PALS2: variants seen among roughly 807,000 people sequenced by gnomAD.
PALS2 encodes the protein protein PALS2.
PALS2 carries 27 observed loss-of-function variants against 61.6 expected under a neutral mutation model. The observed-to-expected ratio is 0.44, with a 90% CI of 0.32 to 0.60. The LOEUF is 0.60. Ranked by LOEUF, PALS2 falls within the 20% of genes least tolerant of loss-of-function variation. PALS2 has a pLI of 0.05. For synonymous variants in PALS2, 236 were observed against 218.6 expected (o/e 1.08, Z -0.70); for missense variants, 554 against 639.4 (o/e 0.87, Z 1.44).
At chr7:24,609,483 G>C (rs1784037840) in intron 1 of PALS2, among the ~76,000 whole-genome samples, 1 of 152,144 alleles carries the variant, frequency 6.6e-6, no homozygotes, top group Non-Finnish European at 1.5e-5. Context: ...CACCCCTAGA[G>C]TTACTGGGAA....
At chr7:24,601,293 G>C (rs890518878) in intron 1 of PALS2, among the ~76,000 whole-genome samples, 1 of 152,060 alleles carries the variant, frequency 6.6e-6, no homozygotes, top group Admixed American at 6.5e-5. Flanking sequence ...CTCTATTCCT[G>C]TATTTTCATT....
At chr7:24,668,985 A>G (rs1787169946) in intron 9 of PALS2, among the ~76,000 whole-genome samples, 1 of 152,180 alleles carries the variant, frequency 6.6e-6, no homozygotes. Flanking sequence ...CTATCTAAAA[A>G]GTTGGATTTT....
intron 1 of PALS2, among the ~76,000 whole-genome samples, chr7:24,593,215 G>A (rs959548570): frequency 1.6e-4 from 25 of 152,036 alleles, no homozygotes; most frequent in African/African-American, 1.2e-4. Context: ...CTCCTCTTCT[G>A]TTAAAGTTTT....
chr7:24,592,643 A>G (rs547483138), intron 1 of PALS2, among the ~76,000 whole-genome samples: 3 of 152,282 alleles, frequency 2.0e-5, no homozygotes, highest in South Asian at 2.1e-4. Context: ...GACCGCTACA[A>G]TAAAACACAT....
At chr7:24,613,401 T>C (rs905796799) in intron 1 of PALS2, among the ~76,000 whole-genome samples, 1 of 151,870 alleles carries the variant, frequency 6.6e-6, no homozygotes, top group East Asian at 1.9e-4. Flanking sequence ...TAAAAATCTC[T>C]ATACCTACAG....
chr7:24,645,053 C>T (rs547044571), intron 3 of PALS2, among the ~76,000 whole-genome samples: 28 of 152,056 alleles, frequency 1.8e-4, no homozygotes, highest in Non-Finnish European at 3.2e-4. Context: ...TCAGATGCAT[C>T]ATTTGCAAAT....
At chr7:24,675,135 G>A (rs545643265) in intron 9 of PALS2, among the ~76,000 whole-genome samples, 1 of 152,188 alleles carries the variant, frequency 6.6e-6, no homozygotes, top group Non-Finnish European at 1.5e-5. Flanking sequence ...AAATTCACTT[G>A]TAAACTAAAG....
intron 3 of PALS2, among the ~76,000 whole-genome samples, chr7:24,645,843 A>C (rs1441234169): frequency 6.6e-6 from 1 of 152,146 alleles, no homozygotes; most frequent in African/African-American, 2.4e-5. Flanking sequence ...CTCCCTGGTT[A>C]GCTATGTTCC....
chr7:24,678,401 G>C (rs1787737010), intron 9 of PALS2, among the ~76,000 whole-genome samples: 1 of 152,124 alleles, frequency 6.6e-6, no homozygotes, highest in Non-Finnish European at 1.5e-5. Context: ...TAATAATGAG[G>C]CGTCTAGCTC....
At position 24,680,450 on chromosome 7, in the gene PALS2, C is replaced by T. The variant is rs1426707478; in HGVS notation, c.1376C>T (p.Pro459Leu). ...CCCTATGTGGTATTTATTGCGGCTC[C>T]GGAGCTAGAGACGTTACGTGCCATG... ...FMPYVVFIAA[P>L]ELETLRAMHK... Residue 459 changes from proline to leucine, a missense_variant, in exon 11 of 12, where the codon CCG (proline) becomes CTG (leucine). Transcript: ENST00000222644. The T allele has an allele frequency of 3.7e-6, 6 of 1,613,708 alleles. No individual in the cohort carries two copies. Among genetic ancestry groups the T allele is most frequent in the East Asian group, 2.2e-5 (1 of 44,874 alleles).
At chr7:24,676,086 A>G (rs1432877624) in intron 9 of PALS2, among the ~76,000 whole-genome samples, 1 of 149,310 alleles carries the variant, frequency 6.7e-6, no homozygotes, top group Non-Finnish European at 1.5e-5. Context: ...TTGCCATTCT[A>G]ACTGGTGTGA....
At position 24,614,729 on chromosome 7, in the gene PALS2, A is replaced by G. The variant is rs1361935538; in HGVS notation, c.-2-8937A>G. ...CAGATTTAAACTGCACCATAGGCCA[A>G]ATAGACCTAACAGACATTTACAGAA... On this transcript the variant is annotated intron_variant, in intron 1 of 11. Transcript: ENST00000222644. 3.9e-5 allele frequency among the ~76,000 whole-genome samples: 6 copies of G among 152,144 alleles called. 1 individual carries two copies. The South Asian group carries it at 1.2e-3, about 31-fold the overall frequency.
At chr7:24,651,506 T>C (rs1458880367) in intron 5 of PALS2, among the ~76,000 whole-genome samples, 1 of 152,194 alleles carries the variant, frequency 6.6e-6, no homozygotes, top group African/African-American at 2.4e-5. Context: ...TTAATTCATG[T>C]AATGCTCTCA....
At chr7:24,624,036 A>G in intron 2 of PALS2, 1 of 1,296,512 alleles carries the variant, frequency 7.7e-7, no homozygotes, top group Non-Finnish European at 1.0e-6. Context: ...TAGAGAAATC[A>G]TACCTGCACA....
intron 2 of PALS2, among the ~76,000 whole-genome samples, chr7:24,627,211 C>G (rs1012573801): frequency 6.6e-6 from 1 of 152,150 alleles, no homozygotes; most frequent in African/African-American, 2.4e-5. Flanking sequence ...GGTTAAGAAA[C>G]TCAAAACCAT....
At chr7:24,652,743 T>G (rs1163819732) in intron 5 of PALS2, among the ~76,000 whole-genome samples, 1 of 152,158 alleles carries the variant, frequency 6.6e-6, no homozygotes, top group Non-Finnish European at 1.5e-5. Context: ...ATCTCCACCA[T>G]GTAGTGCTGT....
chr7:24,625,548 A>G (rs1488114488), intron 2 of PALS2, among the ~76,000 whole-genome samples: 2 of 152,224 alleles, frequency 1.3e-5, no homozygotes. Context: ...CATGTGTTCT[A>G]TCATCAAATT....
intron 2 of PALS2, among the ~76,000 whole-genome samples, chr7:24,624,345 A>G (rs1344931156): frequency 6.6e-6 from 1 of 152,134 alleles, no homozygotes; most frequent in East Asian, 1.9e-4. Flanking sequence ...TACCTATTTT[A>G]CAAACCTGCT....
At chr7:24,681,265 A>C (rs2128033322) in intron 11 of PALS2, among the ~76,000 whole-genome samples, 1 of 152,254 alleles carries the variant, frequency 6.6e-6, no homozygotes, top group Middle Eastern at 3.4e-3. Flanking sequence ...ATATATACAA[A>C]AGAGGGAATA....
Sources: gnomAD v4.1 joint callset for allele counts (sites outside exome capture counted in the v4.1 genomes callset) on GRCh38, gnomAD v4.1.1 for gene constraint, MANE v1.5 for transcripts, NCBI Gene and HGNC (gene_info 2026-07-23, HGNC 2026-07-21) for gene names.